CBLN2: variants seen among roughly 807,000 people sequenced by gnomAD.
CBLN2 encodes the protein cerebellin-2.
Under a neutral mutation model 15.0 loss-of-function variants are expected in CBLN2, and 7 were observed. That is an observed-to-expected ratio of 0.47 (90% CI 0.27 to 0.88). The LOEUF is 0.88. Ranked by LOEUF, CBLN2 falls within the 40% of genes least tolerant of loss-of-function variation. The pLI is 0.14. For missense variants in CBLN2, 242 were observed against 304.5 expected (o/e 0.79, Z 1.53); for synonymous variants, 149 against 135.2 (o/e 1.10, Z -0.71).
intron 1 of CBLN2, among the ~76,000 whole-genome samples, chr18:72,585,519 G>A (rs1388762541): frequency 6.6e-6 from 1 of 152,130 alleles, no homozygotes; most frequent in Non-Finnish European, 1.5e-5. Flanking sequence ...CATCATCTGA[G>A]TGTGGCTGAG....
At chr18:72,585,881 A>G (rs1222354310) in intron 1 of CBLN2, among the ~76,000 whole-genome samples, 9 of 152,240 alleles carry the variant, frequency 5.9e-5, no homozygotes, top group African/African-American at 2.2e-4. Flanking sequence ...CACCACCCCA[A>G]GTGTGTGCCC....
chr18:72,634,832 C>T (rs1176659407), intron 1 of CBLN2, among the ~76,000 whole-genome samples: 3 of 152,122 alleles, frequency 2.0e-5, no homozygotes, highest in African/African-American at 4.8e-5. Flanking sequence ...TCTTCTTTAA[C>T]ATTTCTCTTC....
chr18:72,595,346 C>G (rs1245349090), intron 1 of CBLN2, among the ~76,000 whole-genome samples: 1 of 151,802 alleles, frequency 6.6e-6, no homozygotes, highest in African/African-American at 2.4e-5. Context: ...TTCAAAACTC[C>G]TCTTGTTATT....
intron 1 of CBLN2, among the ~76,000 whole-genome samples, chr18:72,587,507 G>T (rs1239932122): frequency 6.6e-6 from 1 of 151,152 alleles, no homozygotes; most frequent in Non-Finnish European, 1.5e-5. Context: ...AAGAAAGTAG[G>T]TTTTAAAAAA....
intron 1 of CBLN2, among the ~76,000 whole-genome samples, chr18:72,629,681 T>C (rs893120590): frequency 2.6e-5 from 4 of 152,136 alleles, no homozygotes; most frequent in African/African-American, 9.6e-5. Flanking sequence ...TTTGCAAATA[T>C]AATGTTTGGA....
At chr18:72,562,639 A>G (rs2069269159) in intron 1 of CBLN2, among the ~76,000 whole-genome samples, 1 of 152,186 alleles carries the variant, frequency 6.6e-6, no homozygotes, top group African/African-American at 2.4e-5. Flanking sequence ...TTTTATTTTA[A>G]ACCCGGATAA....
intron 1 of CBLN2, among the ~76,000 whole-genome samples, chr18:72,606,367 G>A (rs564343635): frequency 1.6e-3 from 241 of 152,164 alleles, no homozygotes; most frequent in Non-Finnish European, 2.2e-3. Context: ...TATGGAAATC[G>A]TTTTCCTGTA....
At chr18:72,601,848 T>G (rs1235229087) in intron 1 of CBLN2, among the ~76,000 whole-genome samples, 5 of 152,208 alleles carry the variant, frequency 3.3e-5, no homozygotes, top group Non-Finnish European at 5.9e-5. Flanking sequence ...AAACCTATGT[T>G]ACTGTTGAGC....
intron 1 of CBLN2, among the ~76,000 whole-genome samples, chr18:72,604,158 G>A (rs972909608): frequency 2.6e-5 from 4 of 152,138 alleles, no homozygotes; most frequent in African/African-American, 9.7e-5. Context: ...GTGGTTCAAG[G>A]CCCACCAGCA....
At chr18:72,568,213 T>C (rs1357055239) in intron 1 of CBLN2, among the ~76,000 whole-genome samples, 1 of 152,120 alleles carries the variant, frequency 6.6e-6, no homozygotes, top group Non-Finnish European at 1.5e-5. Context: ...GGCTCCAGGG[T>C]TAAAACGAAT....
upstream of CBLN2, among the ~76,000 whole-genome samples, chr18:72,549,258 C>T (rs117933963): frequency 0.06 from 9,112 of 152,190 alleles, 870 homozygotes; most frequent in East Asian, 0.51. Flanking sequence ...GTGATCTGCC[C>T]GCTTTGGCCT....
intron 1 of CBLN2, among the ~76,000 whole-genome samples, chr18:72,573,712 C>A (rs2069346453): frequency 1.3e-5 from 2 of 152,262 alleles, no homozygotes; most frequent in East Asian, 1.9e-4. Flanking sequence ...ATCTTGGTTA[C>A]CTTCAAGTTT....
intron 1 of CBLN2, among the ~76,000 whole-genome samples, chr18:72,615,723 G>T (rs1304535941): frequency 1.3e-5 from 2 of 152,092 alleles, no homozygotes; most frequent in Non-Finnish European, 1.5e-5. Context: ...TATGAAGCGT[G>T]ACCAGCAACA....
Position 72,538,460 on chromosome 18 carries a change from AC to A in CBLN2, c.478-88del, listed in dbSNP as rs2069084632. 4.8e-5 allele frequency: 72 copies of A among 1,485,608 alleles called. 3 individuals are homozygous for A. The South Asian group carries it at 8.3e-4, about 17-fold the overall frequency. The allele number at this position is 1,485,608 out of a possible 1,614,324, so 92.0% of individuals were successfully genotyped here. ...CTCCTTTGCCAATATCCCCACTCCC[AC>A]CCCCATCCTTCCCTTAGAGTACACA... is the stretch of plus-strand genomic sequence containing the variant. On this transcript the variant is annotated intron_variant, in intron 4 of 4. Coordinates refer to ENST00000269503, the MANE Select transcript of CBLN2 (RefSeq NM_182511.4).
intron 1 of CBLN2, among the ~76,000 whole-genome samples, chr18:72,628,003 TA>T (rs1438652298): frequency 1.1e-4 from 17 of 152,220 alleles, no homozygotes; most frequent in African/African-American, 3.9e-4. Flanking sequence ...TCTTATGTCT[TA>T]TGTATTATCT....
chr18:72,618,587 G>A (rs2144963636), intron 1 of CBLN2: 11 of 918,658 alleles, frequency 1.2e-5, no homozygotes, highest in Middle Eastern at 3.4e-4. Context: ...AAAAGTATAC[G>A]TGTTGGTGGC....
intron 1 of CBLN2, among the ~76,000 whole-genome samples, chr18:72,615,419 G>A (rs551442562): frequency 6.6e-6 from 1 of 151,170 alleles, no homozygotes; most frequent in South Asian, 2.1e-4. Context: ...TGGGATTACA[G>A]CCATGCGCCA....
intron 1 of CBLN2, among the ~76,000 whole-genome samples, chr18:72,615,075 A>ATT (rs1380611980): frequency 9.4e-5 from 13 of 137,758 alleles, no homozygotes; most frequent in African/African-American, 1.9e-4. Flanking sequence ...ATATTTATAT[A>ATT]TTATAGAAAA....
chr18:72,589,779 C>T (rs2069467537), intron 1 of CBLN2, among the ~76,000 whole-genome samples: 1 of 152,144 alleles, frequency 6.6e-6, no homozygotes, highest in Admixed American at 6.5e-5. Context: ...TATTGTGGGA[C>T]CTGCCACAGT....
Sources: gnomAD v4.1 joint callset for allele counts (sites outside exome capture counted in the v4.1 genomes callset) on GRCh38, gnomAD v4.1.1 for gene constraint, MANE v1.5 for transcripts, NCBI Gene and HGNC (gene_info 2026-07-23, HGNC 2026-07-21) for gene names.